NAV1: variants seen among roughly 807,000 people sequenced by gnomAD.
NAV1 encodes the protein pore membrane and/or filament interacting like protein 3.
In NAV1, 18 loss-of-function variants were observed where a neutral mutation model predicts 175.2. That is an observed-to-expected ratio of 0.10 (90% CI 0.07 to 0.15). The LOEUF (loss-of-function observed/expected upper bound fraction) is 0.15. Ranked by LOEUF, NAV1 falls within the 10% of genes least tolerant of loss-of-function variation. The pLI is 1.00. For missense variants in NAV1, 1,731 were observed against 2,436.6 expected (o/e 0.71, Z 6.10); for synonymous variants, 897 against 978.7 (o/e 0.92, Z 1.56).
chr1:201,641,477 A>T (rs79006316), intron 2 of NAV1, among the ~76,000 whole-genome samples: 2,801 of 152,310 alleles, frequency 0.018, 90 homozygotes, highest in African/African-American at 0.064. Context: ...TTGCTTAAGA[A>T]GTCCCATGTT....
chr1:201,684,632 G>A (rs113201803), intron 1 of NAV1, among the ~76,000 whole-genome samples: 2,078 of 151,448 alleles, frequency 0.014, 18 homozygotes, highest in Non-Finnish European at 0.023. Context: ...CTGCCACCAC[G>A]CCTGGCTAAT....
At chr1:201,759,526 A>G (rs1674713871) in intron 3 of NAV1, among the ~76,000 whole-genome samples, 1 of 152,244 alleles carries the variant, frequency 6.6e-6, no homozygotes, top group South Asian at 2.1e-4. Context: ...CCAGAGAGCC[A>G]TGAATCTTTT....
At chr1:201,632,341 C>T (rs910311885) in intron 2 of NAV1, among the ~76,000 whole-genome samples, 1 of 152,230 alleles carries the variant, frequency 6.6e-6, no homozygotes. Flanking sequence ...CTGCCTCTGC[C>T]CTGGGGCAAG....
At chr1:201,805,794 G>C (rs142838590) in intron 17 of NAV1, among the ~76,000 whole-genome samples, 1 of 151,936 alleles carries the variant, frequency 6.6e-6, no homozygotes, top group African/African-American at 2.4e-5. Context: ...GTGGTGATGC[G>C]TGCCTGTGGT....
chr1:201,640,250 G>A (rs1430353048), intron 2 of NAV1, among the ~76,000 whole-genome samples: 5 of 152,186 alleles, frequency 3.3e-5, no homozygotes, highest in Non-Finnish European at 5.9e-5. Flanking sequence ...AGGGTGAGCC[G>A]GGGACCTGCA....
chr1:201,744,638 A>G (rs1232487401), intron 3 of NAV1, among the ~76,000 whole-genome samples: 2 of 152,230 alleles, frequency 1.3e-5, no homozygotes, highest in East Asian at 1.9e-4. Flanking sequence ...ACTGAAAGCC[A>G]GCAAGCAGGG....
At chr1:201,717,060 A>G (rs1463685459) in intron 2 of NAV1, among the ~76,000 whole-genome samples, 1 of 152,138 alleles carries the variant, frequency 6.6e-6, no homozygotes, top group African/African-American at 2.4e-5. Context: ...CAGTTTCAAG[A>G]GCGTTTGGAT....
At chr1:201,543,796 A>C (rs115246015) in intron 1 of NAV1, among the ~76,000 whole-genome samples, 1,530 of 152,188 alleles carry the variant, frequency 0.01, 19 homozygotes, top group African/African-American at 0.035. Context: ...CCCAAACTTA[A>C]ACTCTGTACT....
chr1:201,610,857 C>T (rs1029821996), intron 2 of NAV1, among the ~76,000 whole-genome samples: 1 of 152,192 alleles, frequency 6.6e-6, no homozygotes, highest in African/African-American at 2.4e-5. Context: ...CATCTTTTGT[C>T]TGTAAGAACA....
chr1:201,622,920 CCCTCACTACG>C, exon 1 of NAV1: 1 of 986,378 alleles, frequency 1.0e-6, no homozygotes, highest in Non-Finnish European at 1.2e-6. Flanking sequence ...CCGCCAGCCG[CCCTCACTACG>C]CCTCCGCCAT....
chr1:201,717,276 C>T (rs1439147054), intron 2 of NAV1, among the ~76,000 whole-genome samples: 1 of 152,202 alleles, frequency 6.6e-6, no homozygotes, highest in East Asian at 1.9e-4. Context: ...AACTCATGTC[C>T]AGCCACAGAT....
intron 1 of NAV1, among the ~76,000 whole-genome samples, chr1:201,552,065 A>G (rs1665870730): frequency 6.6e-6 from 1 of 152,180 alleles, no homozygotes; most frequent in Non-Finnish European, 1.5e-5. Flanking sequence ...GTGACCACAG[A>G]GTTGGGGGTG....
At chr1:201,614,609 G>A (rs542749869) in intron 2 of NAV1, among the ~76,000 whole-genome samples, 3 of 152,344 alleles carry the variant, frequency 2.0e-5, no homozygotes, top group African/African-American at 7.2e-5. Context: ...CCTTGCTCTG[G>A]GGTTTGCAGA....
intron 2 of NAV1, among the ~76,000 whole-genome samples, chr1:201,592,305 C>G (rs547619894): frequency 1.3e-5 from 2 of 152,350 alleles, no homozygotes; most frequent in African/African-American, 4.8e-5. Flanking sequence ...GAGGGAAAGA[C>G]AGTCCCTGCC....
upstream of NAV1, among the ~76,000 whole-genome samples, chr1:201,618,945 TCA>T (rs1210590089): frequency 6.6e-6 from 1 of 151,974 alleles, no homozygotes; most frequent in Non-Finnish European, 1.5e-5. Flanking sequence ...CTAAAATAAC[TCA>T]CTGTTTGGGG....
intron 1 of NAV1, among the ~76,000 whole-genome samples, chr1:201,663,877 G>T (rs1193488606): frequency 1.3e-5 from 2 of 152,030 alleles, no homozygotes; most frequent in African/African-American, 4.8e-5. Flanking sequence ...AGCCCAGCCT[G>T]GACCTGGGCC....
In NAV1 at chr1:201,714,374, G is replaced by A. The variant is rs140316072; in HGVS notation, c.860+1455G>A. ...TGTACTACTCCTCCCCCTATCCCCA[G>A]CCCATGCCCGCATCTTGGACACTCA... On this transcript the variant is annotated intron_variant, in intron 2 of 29. Coordinates refer to ENST00000367296, the Ensembl canonical transcript of NAV1. 9.5e-4 allele frequency among the ~76,000 whole-genome samples: 145 copies of A among 152,272 alleles called. 1 individual carries two copies. Among genetic ancestry groups the A allele is most frequent in the Admixed American group, 4.7e-3 (72 of 15,294 alleles).
chr1:201,771,153 T>C (rs1293199219), intron 3 of NAV1, among the ~76,000 whole-genome samples: 2 of 149,462 alleles, frequency 1.3e-5, no homozygotes, highest in East Asian at 4.0e-4. Flanking sequence ...CCTCAAAACA[T>C]CTGGTGACCC....
intron 1 of NAV1, among the ~76,000 whole-genome samples, chr1:201,585,958 A>T (rs1005262777): frequency 1.3e-5 from 2 of 152,230 alleles, no homozygotes; most frequent in Admixed American, 1.3e-4. Flanking sequence ...CAGCAATTCC[A>T]CGTCTCAGTA....
Sources: gnomAD v4.1 joint callset for allele counts (sites outside exome capture counted in the v4.1 genomes callset) on GRCh38, gnomAD v4.1.1 for gene constraint, MANE v1.5 for transcripts, NCBI Gene and HGNC (gene_info 2026-07-23, HGNC 2026-07-21) for gene names.